LHFPL3: variants seen among roughly 807,000 people sequenced by gnomAD.
The protein encoded by LHFPL3 is LHFPL tetraspan subfamily member 3 protein.
A neutral mutation model predicts 19.3 loss-of-function variants in LHFPL3; 5 were observed. The ratio of observed to expected loss-of-function variants is 0.26; its 90% CI spans 0.14 to 0.54. The LOEUF (loss-of-function observed/expected upper bound fraction) is 0.54, where lower values mean the gene tolerates loss of function less well. LHFPL3 is among the 20% of genes least tolerant of loss of function. The pLI is 0.94. For missense variants in LHFPL3, 249 were observed against 307.4 expected (o/e 0.81, Z 1.42); for synonymous variants, 133 against 126.2 (o/e 1.05, Z -0.36).
intron 1 of LHFPL3, among the ~76,000 whole-genome samples, chr7:104,487,720 G>A (rs554840445): frequency 6.6e-6 from 1 of 152,296 alleles, no homozygotes; most frequent in East Asian, 1.9e-4. Flanking sequence ...GTTTTATTCT[G>A]TAACATTGAT....
At chr7:104,415,963 C>T (rs145061147) in intron 1 of LHFPL3, among the ~76,000 whole-genome samples, 212 of 152,268 alleles carry the variant, frequency 1.4e-3, no homozygotes, top group Non-Finnish European at 2.2e-3. Context: ...TACATACCAC[C>T]TATTATGGGT....
intron 1 of LHFPL3, among the ~76,000 whole-genome samples, chr7:104,364,176 C>G (rs1224523224): frequency 6.6e-6 from 1 of 152,140 alleles, no homozygotes. Flanking sequence ...AACAAACAGG[C>G]AGTTGTTATC....
At chr7:104,831,478 G>C (rs1187405151) in intron 2 of LHFPL3, among the ~76,000 whole-genome samples, 1 of 151,940 alleles carries the variant, frequency 6.6e-6, no homozygotes, top group Non-Finnish European at 1.5e-5. Flanking sequence ...CAATTTATGT[G>C]AAACCACATC....
chr7:104,522,176 G>T (rs1037073958), intron 1 of LHFPL3, among the ~76,000 whole-genome samples: 83 of 152,052 alleles, frequency 5.5e-4, no homozygotes, highest in Non-Finnish European at 1.0e-3. Context: ...AGAAAATGTG[G>T]CACATATACA....
intron 1 of LHFPL3, among the ~76,000 whole-genome samples, chr7:104,384,551 C>T (rs1359376174): frequency 1.3e-5 from 2 of 151,624 alleles, no homozygotes; most frequent in Non-Finnish European, 1.5e-5. Flanking sequence ...CTTTGGGAGG[C>T]CGAGGCGGGT....
chr7:104,647,967 C>T (rs1203290396), intron 1 of LHFPL3, among the ~76,000 whole-genome samples: 2 of 152,168 alleles, frequency 1.3e-5, no homozygotes, highest in Non-Finnish European at 2.9e-5. Context: ...AACAGATAAA[C>T]GAGCTGACAT....
At chr7:104,876,514 C>T (rs1313434605) in intron 2 of LHFPL3, among the ~76,000 whole-genome samples, 1 of 150,914 alleles carries the variant, frequency 6.6e-6, no homozygotes, top group Non-Finnish European at 1.5e-5. Flanking sequence ...AGCCAAAAGA[C>T]ACATGAAAAA....
intron 2 of LHFPL3, among the ~76,000 whole-genome samples, chr7:104,904,275 A>G (rs1407324873): frequency 6.6e-6 from 1 of 152,196 alleles, no homozygotes; most frequent in Non-Finnish European, 1.5e-5. Flanking sequence ...AACATACCAA[A>G]AACAACAACA....
chr7:104,574,962 A>T (rs981107915), intron 1 of LHFPL3, among the ~76,000 whole-genome samples: 1 of 152,216 alleles, frequency 6.6e-6, no homozygotes, highest in African/African-American at 2.4e-5. Flanking sequence ...CATTTTAAGT[A>T]AAATATAATC....
At chr7:104,446,910 T>C (rs189172924) in intron 1 of LHFPL3, among the ~76,000 whole-genome samples, 129 of 152,296 alleles carry the variant, frequency 8.5e-4, no homozygotes, top group Non-Finnish European at 1.0e-3. Flanking sequence ...CTGAAAAACA[T>C]TTTGTTTTTT....
intron 1 of LHFPL3, among the ~76,000 whole-genome samples, chr7:104,499,474 T>C (rs1274747288): frequency 1.3e-5 from 2 of 152,218 alleles, no homozygotes; most frequent in Admixed American, 1.3e-4. Flanking sequence ...ATTCAAGATA[T>C]TATCTTGGTA....
At chr7:104,841,367 C>T (rs1009348548) in intron 2 of LHFPL3, among the ~76,000 whole-genome samples, 1 of 152,210 alleles carries the variant, frequency 6.6e-6, no homozygotes, top group East Asian at 1.9e-4. Flanking sequence ...ATCTTCACCT[C>T]GATTTATTTT....
chr7:104,801,747 T>C (rs1464609728), intron 2 of LHFPL3, among the ~76,000 whole-genome samples: 11 of 152,114 alleles, frequency 7.2e-5, no homozygotes. Context: ...ATTTTTTGTA[T>C]TTTTAGTAGA....
At chr7:104,729,228 CTTTT>C (rs954157740) in intron 1 of LHFPL3, among the ~76,000 whole-genome samples, 5 of 152,030 alleles carry the variant, frequency 3.3e-5, no homozygotes, top group African/African-American at 4.8e-5. Flanking sequence ...TTTCAAGAAA[CTTTT>C]TTTATTGACT....
chr7:104,404,482 A>G (rs1791377231), intron 1 of LHFPL3, among the ~76,000 whole-genome samples: 1 of 152,228 alleles, frequency 6.6e-6, no homozygotes, highest in Non-Finnish European at 1.5e-5. Flanking sequence ...TATTGAAGAA[A>G]TACATGTCAT....
At chr7:104,528,702 C>G (rs1317599876) in intron 1 of LHFPL3, among the ~76,000 whole-genome samples, 2 of 152,052 alleles carry the variant, frequency 1.3e-5, no homozygotes, top group African/African-American at 2.4e-5. Flanking sequence ...GAATACCAAG[C>G]TTTTTTCAAG....
At chr7:104,486,413 C>T (rs1047349219) in intron 1 of LHFPL3, among the ~76,000 whole-genome samples, 1 of 152,130 alleles carries the variant, frequency 6.6e-6, no homozygotes, top group African/African-American at 2.4e-5. Context: ...TTTATTTTTA[C>T]AGTTCTGATG....
rs1382848241 is a variant in LHFPL3, at chr7:104,507,307, A to G, written c.445+178083A>G. ...AGAGCCCTCAGAAATAACCCCGCAT[A>G]TCTACAACTATCAGATCTTTGACAA... is the stretch of plus-strand genomic sequence containing the variant. On this transcript the variant is annotated intron_variant, in intron 1 of 2. Coordinates refer to ENST00000424859, the MANE Select transcript of LHFPL3 (RefSeq NM_199000.3). Among the ~76,000 whole-genome samples, 3 of 146,140 alleles carry G rather than the reference A, an allele frequency of 2.1e-5. 1 individual carries two copies. The highest frequency in any genetic ancestry group is 2.1e-4 in the East Asian group (1 of 4,832).
intron 2 of LHFPL3, among the ~76,000 whole-genome samples, chr7:104,875,726 TAAAG>T (rs1227885694): frequency 6.6e-6 from 1 of 152,224 alleles, no homozygotes; most frequent in African/African-American, 2.4e-5. Flanking sequence ...ACACCCACAA[TAAAG>T]AGATAGGAGG....
Sources: allele counts gnomAD v4.1 joint callset (sites outside exome capture counted in the v4.1 genomes callset), GRCh38; gene constraint gnomAD v4.1.1; transcripts MANE v1.5; gene names NCBI Gene and HGNC (gene_info 2026-07-23, HGNC 2026-07-21).